The following RFC3 variants were observed in gnomAD, a reference collection of about 807,000 sequenced individuals.
RFC3 encodes replication factor C subunit 3, also known as A1 38 kDa subunit.
In RFC3, 41 loss-of-function variants were observed where a neutral mutation model predicts 45.1. That is an observed-to-expected ratio of 0.91 (90% CI 0.71 to 1.18). The LOEUF is 1.18. Ranked by LOEUF, RFC3 falls within the 50% of genes most tolerant of loss-of-function variation. The pLI, the probability that RFC3 is intolerant of heterozygous loss-of-function variation, is 0.00. For missense variants in RFC3, 423 were observed against 428.1 expected (o/e 0.99, Z 0.10); for synonymous variants, 149 against 144.0 (o/e 1.03, Z -0.25).
intron 8 of RFC3, among the ~76,000 whole-genome samples, chr13:33,941,331 G>GT (rs1429430999): frequency 1.3e-5 from 2 of 151,932 alleles, no homozygotes; most frequent in Non-Finnish European, 2.9e-5. Context: ...CAAGAACCTG[G>GT]TTTTTTCTAC....
chr13:33,847,456 T>A (rs1293550597), intron 8 of RFC3: 1 of 152,124 alleles, frequency 6.6e-6, no homozygotes, highest in Non-Finnish European at 1.5e-5. Context: ...TTGCTTCACC[T>A]CCTCCTCCAG....
intron 8 of RFC3, among the ~76,000 whole-genome samples, chr13:33,945,675 A>G (rs997564286): frequency 1.3e-5 from 2 of 152,212 alleles, no homozygotes; most frequent in Non-Finnish European, 2.9e-5. Flanking sequence ...GCAAATGATA[A>G]CACTACATGC....
chr13:33,961,377 A>G (rs1386481361), intron 8 of RFC3, among the ~76,000 whole-genome samples: 1 of 152,188 alleles, frequency 6.6e-6, no homozygotes, highest in Non-Finnish European at 1.5e-5. Flanking sequence ...TAATTTATTT[A>G]TACAAACCTA....
intron 7 of RFC3, among the ~76,000 whole-genome samples, chr13:33,833,763 G>C (rs2082125026): frequency 6.6e-6 from 1 of 151,496 alleles, no homozygotes; most frequent in South Asian, 2.1e-4. Context: ...TTTATTCTTG[G>C]GATGTCAGAG....
At chr13:33,848,772 C>T (rs2082256831) in intron 8 of RFC3, 1 of 151,958 alleles carries the variant, frequency 6.6e-6, no homozygotes, top group Non-Finnish European at 1.5e-5. Context: ...GCATGGGTGT[C>T]ATTCAAAACA....
At chr13:33,953,857 CCTA>C (rs1555245101) in intron 8 of RFC3, among the ~76,000 whole-genome samples, 1 of 152,092 alleles carries the variant, frequency 6.6e-6, no homozygotes, top group Non-Finnish European at 1.5e-5. Flanking sequence ...AAACTAAAAA[CCTA>C]CTTGGAGAAT....
At chr13:33,930,270 T>C (rs1217716228) in intron 8 of RFC3, among the ~76,000 whole-genome samples, 6 of 152,094 alleles carry the variant, frequency 3.9e-5, no homozygotes, top group Admixed American at 6.6e-5. Flanking sequence ...AGGAAGCCAG[T>C]TGAAGTCCCA....
rs562311204 is a variant in RFC3, at chr13:33,837,332, C to T, written c.*1037C>T. The T allele has an allele frequency of 3.3e-4, 50 of 152,066 alleles. No individual in the cohort carries two copies. Among genetic ancestry groups the T allele is most frequent in the African/African-American group, 1.0e-3 (42 of 41,478 alleles). The allele number at this position is 152,066 out of a possible 1,614,324, so 9.4% of individuals were successfully genotyped here. A position where few individuals can be genotyped will look rare whatever the true frequency, so the allele number is the denominator to read the frequency against. Reference sequence around the variant, plus strand: ...ATATTGTAAGCATTCTTGTGTAATACTTCATTCTCTCTCATTATTGAGATT... The same window carrying T: ...ATATTGTAAGCATTCTTGTGTAATATTTCATTCTCTCTCATTATTGAGATT... On this transcript the variant is annotated 3_prime_UTR_variant, in exon 9 of 9. Coordinates refer to ENST00000380071, the MANE Select transcript of RFC3 (RefSeq NM_002915.4).
At chr13:33,839,551 A>G (rs1234863154), downstream of RFC3, among the ~76,000 whole-genome samples, 2 of 152,168 alleles carry the variant, frequency 1.3e-5, no homozygotes, top group Admixed American at 6.5e-5. Context: ...ACATTCTTCA[A>G]TTTGTTGTGT....
At chr13:33,825,227 A>G (rs2082038420) in intron 3 of RFC3, among the ~76,000 whole-genome samples, 1 of 152,174 alleles carries the variant, frequency 6.6e-6, no homozygotes, top group Non-Finnish European at 1.5e-5. Context: ...AATACCTATA[A>G]TAAGTCATCA....
intron 8 of RFC3, among the ~76,000 whole-genome samples, chr13:33,895,005 T>A (rs184570538): frequency 2.6e-5 from 4 of 152,204 alleles, no homozygotes; most frequent in Admixed American, 2.6e-4. Context: ...AATCAACTCA[T>A]GATGGATCAA....
intron 8 of RFC3, among the ~76,000 whole-genome samples, chr13:33,853,313 G>T (rs568433711): frequency 6.6e-6 from 1 of 152,116 alleles, no homozygotes; most frequent in Non-Finnish European, 1.5e-5. Context: ...TTTCACCATA[G>T]ATGTGCATTA....
In RFC3 at chr13:33,862,423, T is replaced by A. The variant is rs74909834; in HGVS notation, c.879+27206T>A. 9.0e-3 allele frequency among the ~76,000 whole-genome samples: 1,373 copies of A among 152,322 alleles called. 14 individuals are homozygous for A. Among genetic ancestry groups the A allele is most frequent in the African/African-American group, 0.032 (1,322 of 41,568 alleles). On this transcript the variant is annotated intron_variant, in intron 8 of 8. Coordinates refer to the RFC3 transcript ENST00000434425. ...TTCCCGTGACTTGAATCAGCTTCAA[T>A]GTCTTTATGCAACTTTTTCCATTAA...
chr13:33,976,238 T>C, the RFC3 span, among the ~76,000 whole-genome samples: 519 of 152,310 alleles, frequency 3.4e-3, 5 homozygotes, highest in African/African-American at 0.012. Flanking sequence ...GGAACAGATA[T>C]ACACAATGGA....
At chr13:33,834,806 A>G (rs2082138432) in intron 7 of RFC3, among the ~76,000 whole-genome samples, 1 of 152,114 alleles carries the variant, frequency 6.6e-6, no homozygotes, top group Admixed American at 6.6e-5. Flanking sequence ...CGCGCTCTTC[A>G]TGAAGTCTCA....
At chr13:33,839,898 G>T (rs2082185126), downstream of RFC3, among the ~76,000 whole-genome samples, 1 of 152,170 alleles carries the variant, frequency 6.6e-6, no homozygotes, top group East Asian at 1.9e-4. Context: ...ACAAAATACA[G>T]ATTAAATACT....
At chr13:33,925,022 A>G (rs1228498513) in intron 8 of RFC3, among the ~76,000 whole-genome samples, 2 of 149,744 alleles carry the variant, frequency 1.3e-5, no homozygotes, top group East Asian at 2.0e-4. Flanking sequence ...TCATTTCACT[A>G]TATATATACA....
rs184214733 is a variant in RFC3, at chr13:33,868,778, T to C, written c.879+33561T>C. 2.6e-5 allele frequency among the ~76,000 whole-genome samples: 4 copies of C among 152,368 alleles called. No individual in the cohort carries two copies. The East Asian group carries it at 7.7e-4, about 29-fold the overall frequency. The stretch of plus-strand genomic sequence containing the variant: ...CTGTGATTTTGTTGCTTCATTGTTT[T>C]GTTGCTTTATTTGTGAATATTGCCC... On this transcript the variant is annotated intron_variant, in intron 8 of 8. Coordinates refer to the RFC3 transcript ENST00000434425.
At chr13:33,942,095 CT>C (rs916169132) in intron 8 of RFC3, among the ~76,000 whole-genome samples, 2 of 151,822 alleles carry the variant, frequency 1.3e-5, no homozygotes, top group African/African-American at 4.8e-5. Context: ...ATTCTCTTAT[CT>C]TTTTTTGTAC....
Sources: allele counts gnomAD v4.1 joint callset (sites outside exome capture counted in the v4.1 genomes callset), GRCh38; gene constraint gnomAD v4.1.1; transcripts MANE v1.5; gene names NCBI Gene and HGNC (gene_info 2026-07-23, HGNC 2026-07-21).